Variants in LRP5 observed in about 807,000 individuals in gnomAD.
LRP5 encodes low-density lipoprotein receptor-related protein 5.
Under a neutral mutation model 154.1 loss-of-function variants are expected in LRP5, and 62 were observed. The ratio of observed to expected loss-of-function variants is 0.40; its 90% CI spans 0.33 to 0.50. The LOEUF is 0.50. LRP5 is among the 20% of genes least tolerant of loss of function. LRP5 has a pLI of 0.55. For missense variants in LRP5, 1,915 were observed against 2,336.7 expected (o/e 0.82, Z 3.72); for synonymous variants, 966 against 1,011.5 (o/e 0.96, Z 0.85).
chr11:68,330,357 C>T (rs946425699), intron 1 of LRP5, among the ~76,000 whole-genome samples: 7 of 152,218 alleles, frequency 4.6e-5, no homozygotes, highest in South Asian at 2.1e-4. Flanking sequence ...TCAGGAAGAT[C>T]TCTGCTGTGC....
At chr11:68,396,370 C>T (rs997718239) in intron 7 of LRP5, among the ~76,000 whole-genome samples, 3 of 152,144 alleles carry the variant, frequency 2.0e-5, no homozygotes, top group South Asian at 2.1e-4. Flanking sequence ...GAGAGGATTC[C>T]GTTCCACGTG....
intron 5 of LRP5, among the ~76,000 whole-genome samples, chr11:68,385,201 G>A (rs1184729850): frequency 6.6e-6 from 1 of 152,144 alleles, no homozygotes; most frequent in Non-Finnish European, 1.5e-5. Flanking sequence ...TGTCTGCAGG[G>A]ACATCCTGAG....
chr11:68,421,143 C>T lies in LRP5; in HGVS notation c.3028-2346C>T, dbSNP rs531650809. Among the ~76,000 whole-genome samples, 106 of 152,208 alleles carry T rather than the reference C, an allele frequency of 7.0e-4. 1 individual carries two copies. The highest frequency in any genetic ancestry group is 2.4e-3 in the African/African-American group (101 of 41,532). ...TTGGGAGGCTGAGGCAGGAGAATGG[C>T]GTGAACCCGGGAGGCGGAGCTTGCG... On this transcript the variant is annotated intron_variant, in intron 13 of 22. Coordinates refer to ENST00000294304, the MANE Select transcript of LRP5 (RefSeq NM_002335.4).
intron 16 of LRP5, 45 bp downstream of exon 16, chr11:68,426,232 C>G: frequency 6.4e-7 from 1 of 1,557,884 alleles, no homozygotes; most frequent in Non-Finnish European, 8.8e-7. Flanking sequence ...GCCTCTAAAC[C>G]CGACCCCTGG....
chr11:68,374,500 C>G (rs1337120644), intron 5 of LRP5, among the ~76,000 whole-genome samples: 1 of 152,156 alleles, frequency 6.6e-6, no homozygotes, highest in African/African-American at 2.4e-5. Flanking sequence ...GTGGAAGAAG[C>G]CTGAGTGCTA....
At chr11:68,313,214 T>C (rs895322391) in intron 1 of LRP5, among the ~76,000 whole-genome samples, 5 of 150,052 alleles carry the variant, frequency 3.3e-5, no homozygotes, top group African/African-American at 1.2e-4. Context: ...CAAGCCTGTT[T>C]CCAGCGGCCG....
At chr11:68,344,717 A>G (rs1409450951) in intron 1 of LRP5, among the ~76,000 whole-genome samples, 1 of 152,032 alleles carries the variant, frequency 6.6e-6, no homozygotes, top group Non-Finnish European at 1.5e-5. Context: ...TTCTGTCTCA[A>G]TGAATTTGCC....
intron 7 of LRP5, among the ~76,000 whole-genome samples, chr11:68,393,654 G>A (rs1039761941): frequency 4.3e-4 from 65 of 152,168 alleles, no homozygotes; most frequent in African/African-American, 1.3e-3. Context: ...GGCAGCGGGC[G>A]CCTGTAATCC....
chr11:68,314,223 C>G (rs2098591244), intron 1 of LRP5, among the ~76,000 whole-genome samples: 1 of 152,122 alleles, frequency 6.6e-6, no homozygotes, highest in Non-Finnish European at 1.5e-5. Flanking sequence ...GACCGCGTTG[C>G]CTTTCACCTC....
chr11:68,389,885 A>G lies in LRP5; in HGVS notation c.1417A>G (p.Met473Val). Reference sequence around the variant, plus strand: ...GGACTTCTGCTTCTTCTCCAGCCTCATGTACTGGACAGACTGGGGAGAGAA... The same window carrying G: ...GGACTTCTGCTTCTTCTCCAGCCTCGTGTACTGGACAGACTGGGGAGAGAA... ...AIALHPVMGL[M>V]YWTDWGENPK... is the part of the protein sequence containing the mutation. Residue 473 changes from methionine (M) to valine (V), a missense_variant, in exon 7 of 23, where the codon ATG (methionine) becomes GTG (valine). Coordinates refer to ENST00000294304, the MANE Select transcript of LRP5 (RefSeq NM_002335.4). 6.2e-7 allele frequency: 1 copy of G among 1,614,224 alleles called. No homozygotes were observed. Among genetic ancestry groups the G allele is most frequent in the Non-Finnish European group, 8.5e-7 (1 of 1,180,028 alleles).
chr11:68,429,838 C>T, intron 17 of LRP5, 138 bp downstream of exon 17: 1 of 1,143,236 alleles, frequency 8.7e-7, no homozygotes, highest in Non-Finnish European at 1.3e-6. Context: ...TCTTCCTTTG[C>T]CCTCCTTTCT....
chr11:68,429,544 G>A (rs1187455285), intron 16 of LRP5, 31 bp from the exon 17 acceptor site: 1 of 1,613,302 alleles, frequency 6.2e-7, no homozygotes, highest in Admixed American at 1.7e-5. Flanking sequence ...GACAGAGCCT[G>A]ACCTCTGTTT....
intron 21 of LRP5, among the ~76,000 whole-genome samples, chr11:68,442,954 G>A (rs983995928): frequency 2.6e-5 from 4 of 152,082 alleles, no homozygotes; most frequent in African/African-American, 7.2e-5. Flanking sequence ...CTTGTCAGGC[G>A]TGGCTGGGCC....
chr11:68,426,320 G>T (rs1006181721), intron 16 of LRP5, 133 bp downstream of exon 16: 2 of 729,870 alleles, frequency 2.7e-6, no homozygotes, highest in Non-Finnish European at 4.5e-6. Flanking sequence ...ACTGTTGCCC[G>T]CTGGGGTTCA....
At chr11:68,355,356 A>G (rs1167264618) in intron 2 of LRP5, among the ~76,000 whole-genome samples, 1 of 152,182 alleles carries the variant, frequency 6.6e-6, no homozygotes, top group Non-Finnish European at 1.5e-5. Context: ...AGAAGGGAGC[A>G]AGGGAGTCAG....
chr11:68,312,076 T>C (rs1230829996), upstream of LRP5, among the ~76,000 whole-genome samples: 1 of 152,186 alleles, frequency 6.6e-6, no homozygotes, highest in African/African-American at 2.4e-5. Context: ...AGTCTTCGTG[T>C]CTCATAATTC....
At chr11:68,421,228 C>A (rs186446328) in intron 13 of LRP5, among the ~76,000 whole-genome samples, 1 of 151,728 alleles carries the variant, frequency 6.6e-6, no homozygotes, top group African/African-American at 2.4e-5. Context: ...CTCCGTCTCA[C>A]GCAAAACTCT....
chr11:68,355,461 A>T (rs563603096), intron 2 of LRP5, among the ~76,000 whole-genome samples: 73 of 152,152 alleles, frequency 4.8e-4, no homozygotes, highest in Non-Finnish European at 5.0e-4. Context: ...GACAAAACAC[A>T]ATAGGTCTGC....
chr11:68,333,983 A>T (rs1035835978), intron 1 of LRP5, among the ~76,000 whole-genome samples: 1 of 152,152 alleles, frequency 6.6e-6, no homozygotes, highest in Non-Finnish European at 1.5e-5. Flanking sequence ...CACACCTGTA[A>T]TCCCAGCACT....
Sources: allele counts gnomAD v4.1 joint callset (sites outside exome capture counted in the v4.1 genomes callset), GRCh38; gene constraint gnomAD v4.1.1; transcripts MANE v1.5; gene names NCBI Gene and HGNC (gene_info 2026-07-23, HGNC 2026-07-21).